The following BICC1 variants were observed in gnomAD, a reference collection of about 807,000 sequenced individuals.
BICC1 encodes the protein protein bicaudal C homolog 1.
In BICC1, 43 loss-of-function variants were observed where a neutral mutation model predicts 111.0. That is an observed-to-expected ratio of 0.39 (90% CI 0.30 to 0.50). The LOEUF (loss-of-function observed/expected upper bound fraction) is 0.50. Among genes scored for constraint, BICC1 ranks in the 20% least tolerant of loss-of-function variants. The pLI is 0.88. For synonymous variants in BICC1, 467 were observed against 434.4 expected (o/e 1.07, Z -0.93); for missense variants, 1,091 against 1,203.2 (o/e 0.91, Z 1.38).
chr10:58,689,175 A>G (rs2132401989), intron 2 of BICC1, among the ~76,000 whole-genome samples: 1 of 152,230 alleles, frequency 6.6e-6, no homozygotes, highest in Non-Finnish European at 1.5e-5. Flanking sequence ...TTTCACACTG[A>G]TGGTTGGTAC....
intron 18 of BICC1, among the ~76,000 whole-genome samples, chr10:58,817,189 A>T (rs1036765398): frequency 4.7e-4 from 71 of 152,240 alleles, no homozygotes; most frequent in Non-Finnish European, 8.1e-4. Context: ...ATAACTTTCC[A>T]TACCTTTATT....
chr10:58,662,546 G>T (rs956725270), intron 2 of BICC1, among the ~76,000 whole-genome samples: 1 of 152,134 alleles, frequency 6.6e-6, no homozygotes, highest in East Asian at 1.9e-4. Context: ...GAAAGCTCTC[G>T]AAAGGTGAAA....
chr10:58,706,597 G>T (rs1203449150), intron 3 of BICC1, among the ~76,000 whole-genome samples: 1 of 152,180 alleles, frequency 6.6e-6, no homozygotes, highest in African/African-American at 2.4e-5. Flanking sequence ...TCAAAGGAGA[G>T]ATCTGGTGGG....
At position 58,829,134 on chromosome 10, in the gene BICC1, A is replaced by G. The variant is rs1036109068; in HGVS notation, c.*243A>G. ...ATGGCAGTTGGACAGAATTTGCAAT[A>G]TAAGGATAGGGCTTTATTTCCTGTT... is the stretch of plus-strand genomic sequence containing the variant. On this transcript the variant is annotated 3_prime_UTR_variant, in exon 21 of 21. Coordinates refer to ENST00000373886, the MANE Select transcript of BICC1 (RefSeq NM_001080512.3). 3.4e-5 allele frequency: 12 copies of G among 349,876 alleles called. No individual in the cohort carries two copies. The highest frequency in any genetic ancestry group is 7.9e-4 in the Middle Eastern group (1 of 1,266). The allele number at this position is 349,876 out of a possible 1,614,324, so 21.7% of individuals were successfully genotyped here.
chr10:58,587,106 T>A (rs975641726), intron 1 of BICC1, among the ~76,000 whole-genome samples: 7 of 152,186 alleles, frequency 4.6e-5, no homozygotes, highest in Non-Finnish European at 8.8e-5. Flanking sequence ...GCATGAATAT[T>A]TAGTGCCTCA....
intron 1 of BICC1, among the ~76,000 whole-genome samples, chr10:58,597,858 C>A (rs192556623): frequency 3.0e-4 from 46 of 152,194 alleles, no homozygotes; most frequent in African/African-American, 1.1e-3. Context: ...TGGTTGTCTT[C>A]CCTTGTTCCC....
In BICC1 at chr10:58,520,343, C is replaced by A. The variant is rs191488044; in HGVS notation, c.190+7010C>A. On this transcript the variant is annotated intron_variant, in intron 1 of 20. Coordinates refer to ENST00000373886, the MANE Select transcript of BICC1 (RefSeq NM_001080512.3). Reference sequence around the variant, plus strand: ...TTGGCAAGAAAATCTTGTTATGCTGCAAAAGCCACCAAATTCAATGTCTAA... The same window carrying A: ...TTGGCAAGAAAATCTTGTTATGCTGAAAAAGCCACCAAATTCAATGTCTAA... 9.9e-5 allele frequency among the ~76,000 whole-genome samples: 15 copies of A among 152,212 alleles called. No individual in the cohort carries two copies. The East Asian group carries it at 2.9e-3, about 30-fold the overall frequency.
intron 1 of BICC1, among the ~76,000 whole-genome samples, chr10:58,563,555 C>G (rs1363196264): frequency 6.6e-6 from 1 of 152,118 alleles, no homozygotes; most frequent in Non-Finnish European, 1.5e-5. Context: ...TTGCCACTTC[C>G]TTGCTAACTT....
chr10:58,575,194 C>A (rs1267980533), intron 1 of BICC1, among the ~76,000 whole-genome samples: 3 of 151,926 alleles, frequency 2.0e-5, no homozygotes, highest in Non-Finnish European at 4.4e-5. Flanking sequence ...TCCCCCACTC[C>A]CCAACAGGCC....
chr10:58,671,370 GGT>G (rs1447509734), intron 2 of BICC1, among the ~76,000 whole-genome samples: 2 of 152,124 alleles, frequency 1.3e-5, no homozygotes, highest in Non-Finnish European at 2.9e-5. Flanking sequence ...CCATCTGGAG[GGT>G]ATGGCCCTTA....
At chr10:58,656,651 C>A (rs990982548) in intron 2 of BICC1, among the ~76,000 whole-genome samples, 3 of 152,080 alleles carry the variant, frequency 2.0e-5, no homozygotes, top group Admixed American at 1.3e-4. Context: ...ATTCAGCAAC[C>A]CTTCATGTAT....
chr10:58,731,821 G>T (rs1313123102), intron 3 of BICC1, among the ~76,000 whole-genome samples: 1 of 152,000 alleles, frequency 6.6e-6, no homozygotes, highest in African/African-American at 2.4e-5. Context: ...TACCAAGAGG[G>T]ATGGTGTTAA....
At chr10:58,741,245 A>G (rs1484680933) in intron 3 of BICC1, among the ~76,000 whole-genome samples, 2 of 152,212 alleles carry the variant, frequency 1.3e-5, no homozygotes, top group Non-Finnish European at 2.9e-5. Context: ...GGAGATTAGG[A>G]GCAAGATATT....
chr10:58,594,520 G>T (rs554320546), intron 1 of BICC1, among the ~76,000 whole-genome samples: 1 of 152,134 alleles, frequency 6.6e-6, no homozygotes, highest in African/African-American at 2.4e-5. Context: ...GACTAACAGC[G>T]GATCTCTCCG....
intron 3 of BICC1, among the ~76,000 whole-genome samples, chr10:58,745,541 G>C (rs1841804958): frequency 6.7e-6 from 1 of 149,704 alleles, no homozygotes; most frequent in African/African-American, 2.5e-5. Flanking sequence ...GCAGAACCAT[G>C]TTCCCTTCTG....
At chr10:58,668,476 G>C (rs1314510863) in intron 2 of BICC1, among the ~76,000 whole-genome samples, 5 of 151,878 alleles carry the variant, frequency 3.3e-5, no homozygotes, top group Non-Finnish European at 1.5e-5. Context: ...TTTTACTTTT[G>C]CACAACAACC....
At chr10:58,563,824 G>A (rs562370076) in intron 1 of BICC1, among the ~76,000 whole-genome samples, 39 of 152,250 alleles carry the variant, frequency 2.6e-4, no homozygotes, top group Admixed American at 1.5e-3. Flanking sequence ...CAATATGATG[G>A]GGTGATTGAA....
chr10:58,806,480 G>A (rs1213347599), intron 15 of BICC1, 104 bp from the exon 16 acceptor site: 1 of 978,640 alleles, frequency 1.0e-6, no homozygotes. Flanking sequence ...TATGTCTCAG[G>A]CAGATTCATG....
Position 58,805,779 on chromosome 10 carries a change from G to A in BICC1, c.2182-805G>A, listed in dbSNP as rs533870430. On this transcript the variant is annotated intron_variant, in intron 15 of 20. Coordinates refer to ENST00000373886, the MANE Select transcript of BICC1 (RefSeq NM_001080512.3). ...AATTGGCCCTTGGTCCTTGTGGTAG[G>A]CCTTTGAGACATGCTTAGATCAAGT... is the stretch of plus-strand genomic sequence containing the variant. 3.3e-5 allele frequency among the ~76,000 whole-genome samples: 5 copies of A among 152,276 alleles called. No homozygotes were observed. In the East Asian group the frequency reaches 9.7e-4, roughly 29 times the overall value.
Sources: gnomAD v4.1 joint callset for allele counts (sites outside exome capture counted in the v4.1 genomes callset) on GRCh38, gnomAD v4.1.1 for gene constraint, MANE v1.5 for transcripts, NCBI Gene and HGNC (gene_info 2026-07-23, HGNC 2026-07-21) for gene names.